The following CIRSR variants were observed in gnomAD, a reference collection of about 807,000 sequenced individuals.
The protein encoded by CIRSR is corepressor of RBPJ and splicing regulator.
chr2:174,379,062 T>G, the CIRSR span: 1 of 1,541,214 alleles, frequency 6.5e-7, no homozygotes, highest in Non-Finnish European at 9.0e-7. Flanking sequence ...TGAATGTGAT[T>G]TTGGTTACTA....
At chr2:174,383,635 G>A in the CIRSR span, among the ~76,000 whole-genome samples, 25 of 148,988 alleles carry the variant, frequency 1.7e-4, no homozygotes, top group Non-Finnish European at 2.5e-4. Flanking sequence ...CACAAAAATC[G>A]CTTGAACCTC....
the CIRSR span, among the ~76,000 whole-genome samples, chr2:174,372,329 A>G: frequency 6.6e-6 from 1 of 152,334 alleles, no homozygotes; most frequent in African/African-American, 2.4e-5. Context: ...CCTACCACCC[A>G]GACACAACCA....
chr2:174,348,910 T>G, the CIRSR span: 9 of 1,614,198 alleles, frequency 5.6e-6, 1 homozygote, highest in South Asian at 9.9e-5. Flanking sequence ...TTTCTCTTCT[T>G]AGACTTGTCC....
At chr2:174,376,130 G>T in the CIRSR span, among the ~76,000 whole-genome samples, 2 of 152,120 alleles carry the variant, frequency 1.3e-5, no homozygotes, top group South Asian at 2.1e-4. Context: ...CAACGTGCTG[G>T]GATTACAGGC....
At chr2:174,369,837 TG>T in the CIRSR span, 1 of 955,604 alleles carries the variant, frequency 1.0e-6, no homozygotes, top group Non-Finnish European at 1.4e-6. Context: ...ACGATAGTAA[TG>T]TCAAAGATCA....
At chr2:174,380,514 A>T in the CIRSR span, 158,155 of 781,992 alleles carry the variant, frequency 0.2, 18,154 homozygotes, top group Non-Finnish European at 0.24. Flanking sequence ...TGAATAAGAC[A>T]GCTAATTAAA....
At chr2:174,358,634 A>G in the CIRSR span, 1 of 152,714 alleles carries the variant, frequency 6.5e-6, no homozygotes, top group African/African-American at 2.4e-5. Flanking sequence ...TCTGGCAATA[A>G]TAGTTAATTC....
the CIRSR span, among the ~76,000 whole-genome samples, chr2:174,388,281 C>T: frequency 2.0e-5 from 3 of 152,250 alleles, no homozygotes; most frequent in Non-Finnish European, 4.4e-5. Context: ...TCACTGCAAC[C>T]TCTTCCTCCC....
At chr2:174,349,153 T>A in the CIRSR span, 10 of 1,463,886 alleles carry the variant, frequency 6.8e-6, no homozygotes, top group African/African-American at 2.9e-5. Flanking sequence ...TTTTTTTTCT[T>A]CTCCAGTCGA....
At chr2:174,350,024 G>A in the CIRSR span, among the ~76,000 whole-genome samples, 1 of 152,230 alleles carries the variant, frequency 6.6e-6, no homozygotes, top group East Asian at 1.9e-4. Context: ...TTCAACAATT[G>A]TTTAGTTTTA....
At chr2:174,365,838 GC>G in the CIRSR span, among the ~76,000 whole-genome samples, 1 of 152,102 alleles carries the variant, frequency 6.6e-6, no homozygotes, top group Non-Finnish European at 1.5e-5. Flanking sequence ...CATATCATAT[GC>G]CAAAAAGCAA....
At chr2:174,365,086 C>G in the CIRSR span, among the ~76,000 whole-genome samples, 1 of 152,132 alleles carries the variant, frequency 6.6e-6, no homozygotes, top group Admixed American at 6.6e-5. Flanking sequence ...ATAGCACCCA[C>G]GTCAACTCCT....
At chr2:174,365,148 T>C in the CIRSR span, among the ~76,000 whole-genome samples, 1 of 152,180 alleles carries the variant, frequency 6.6e-6, no homozygotes, top group Non-Finnish European at 1.5e-5. Flanking sequence ...AAATCATCTC[T>C]CTCAAGTTCA....
At chr2:174,357,576 T>G in the CIRSR span, among the ~76,000 whole-genome samples, 1 of 152,198 alleles carries the variant, frequency 6.6e-6, no homozygotes, top group Admixed American at 6.5e-5. Flanking sequence ...CCTTTTTCTT[T>G]CCTAAAGTTA....
the CIRSR span, among the ~76,000 whole-genome samples, chr2:174,378,056 G>A: frequency 1.3e-5 from 2 of 152,222 alleles, no homozygotes; most frequent in African/African-American, 4.8e-5. Flanking sequence ...CACAGGCCTT[G>A]GTGGCCTGAG....
chr2:174,372,541 G>A, the CIRSR span, among the ~76,000 whole-genome samples: 1 of 152,100 alleles, frequency 6.6e-6, no homozygotes, highest in African/African-American at 2.4e-5. Flanking sequence ...ATATTCCACT[G>A]TAACAATATT....
the CIRSR span, among the ~76,000 whole-genome samples, chr2:174,362,264 CCA>C: frequency 1.3e-5 from 2 of 151,986 alleles, no homozygotes; most frequent in African/African-American, 4.8e-5. Flanking sequence ...TGCGACTGTG[CCA>C]CTGCACTCCG....
At chr2:174,367,941 A>G in the CIRSR span, among the ~76,000 whole-genome samples, 1 of 152,174 alleles carries the variant, frequency 6.6e-6, no homozygotes, top group African/African-American at 2.4e-5. Context: ...ATGTCAGACA[A>G]GTAGATTTCA....
the CIRSR span, chr2:174,348,504 CTT>C: frequency 7.5e-6 from 12 of 1,602,752 alleles, no homozygotes; most frequent in South Asian, 1.1e-5. Context: ...GCTTCATTCT[CTT>C]TGTGTCACTT....
Sources: allele counts gnomAD v4.1 joint callset (sites outside exome capture counted in the v4.1 genomes callset), GRCh38; gene constraint gnomAD v4.1.1; transcripts MANE v1.5; gene names NCBI Gene and HGNC (gene_info 2026-07-23, HGNC 2026-07-21).